HS3ST4: variants seen among roughly 807,000 people sequenced by gnomAD.
HS3ST4 encodes the protein heparan sulfate-glucosamine 3-sulfotransferase 4.
Under a neutral mutation model 29.2 loss-of-function variants are expected in HS3ST4, and 17 were observed. That is an observed-to-expected ratio of 0.58 (90% CI 0.40 to 0.87). The LOEUF (loss-of-function observed/expected upper bound fraction) is 0.87. Ranked by LOEUF, HS3ST4 falls within the 40% of genes least tolerant of loss-of-function variation. The probability of loss-of-function intolerance (pLI) is 0.00; values close to 1 mark genes in which losing one functional copy is unlikely to be tolerated. For synonymous variants in HS3ST4, 314 were observed against 285.7 expected (o/e 1.10, Z -1.00); for missense variants, 627 against 634.5 (o/e 0.99, Z 0.13).
At chr16:25,903,324 T>TACATATGTATATGTATCTATTATAG (rs67993882) in intron 1 of HS3ST4, among the ~76,000 whole-genome samples, 1 of 74,298 alleles carries the variant, frequency 1.3e-5, no homozygotes, top group African/African-American at 4.6e-5. Flanking sequence ...ATATATTATA[T>TACATATGTATATGTATCTATTATAG]ATATGTATAT....
intron 1 of HS3ST4, among the ~76,000 whole-genome samples, chr16:25,722,597 T>C (rs1008232981): frequency 6.6e-6 from 1 of 152,188 alleles, no homozygotes; most frequent in African/African-American, 2.4e-5. Flanking sequence ...CTATTTCAAG[T>C]GGATTTTGGA....
chr16:25,961,707 C>T (rs997979775), intron 1 of HS3ST4, among the ~76,000 whole-genome samples: 1 of 152,044 alleles, frequency 6.6e-6, no homozygotes, highest in Non-Finnish European at 1.5e-5. Flanking sequence ...ATCAGAGAAA[C>T]CTGGTGAGAT....
intron 1 of HS3ST4, among the ~76,000 whole-genome samples, chr16:25,936,352 T>A (rs530879215): frequency 1.3e-5 from 2 of 152,166 alleles, no homozygotes; most frequent in African/African-American, 2.4e-5. Flanking sequence ...TACTGAGACA[T>A]GATGAAATCA....
At chr16:25,726,917 C>A (rs1966539245) in intron 1 of HS3ST4, among the ~76,000 whole-genome samples, 2 of 152,108 alleles carry the variant, frequency 1.3e-5, no homozygotes, top group South Asian at 4.2e-4. Context: ...TTTGTAGATC[C>A]TTTCTATTTT....
intron 1 of HS3ST4, among the ~76,000 whole-genome samples, chr16:25,989,873 A>G (rs1031386679): frequency 2.6e-5 from 4 of 152,252 alleles, no homozygotes; most frequent in African/African-American, 9.6e-5. Flanking sequence ...TCAGTTTGTT[A>G]AAACTGTTTA....
At chr16:26,049,373 G>A (rs183073510) in intron 1 of HS3ST4, among the ~76,000 whole-genome samples, 12 of 150,710 alleles carry the variant, frequency 8.0e-5, no homozygotes, top group African/African-American at 4.9e-5. Flanking sequence ...GTCTACATCC[G>A]GAGGTCTACA....
chr16:25,840,707 G>A (rs999310344), intron 1 of HS3ST4, among the ~76,000 whole-genome samples: 1 of 152,208 alleles, frequency 6.6e-6, no homozygotes, highest in East Asian at 1.9e-4. Flanking sequence ...ACCTACTGGG[G>A]CCAAAACTGA....
intron 1 of HS3ST4, among the ~76,000 whole-genome samples, chr16:25,944,175 C>A (rs919260492): frequency 1.3e-5 from 2 of 152,112 alleles, no homozygotes; most frequent in African/African-American, 4.8e-5. Flanking sequence ...GAGTTCTTGT[C>A]CCACAACCAA....
chr16:25,986,058 A>G (rs1367366379), intron 1 of HS3ST4, among the ~76,000 whole-genome samples: 1 of 151,960 alleles, frequency 6.6e-6, no homozygotes, highest in Non-Finnish European at 1.5e-5. Flanking sequence ...CTTTTTCATA[A>G]ATTCTACCCA....
At chr16:26,120,075 G>GTGTT (rs1899254024) in intron 1 of HS3ST4, among the ~76,000 whole-genome samples, 1 of 102,924 alleles carries the variant, frequency 9.7e-6, no homozygotes, top group Non-Finnish European at 2.1e-5. Flanking sequence ...GTGTGTATGT[G>GTGTT]TGTGTGTGTG....
At chr16:26,064,679 G>A (rs1301465824) in intron 1 of HS3ST4, among the ~76,000 whole-genome samples, 6 of 145,020 alleles carry the variant, frequency 4.1e-5, no homozygotes, top group Admixed American at 7.2e-5. Context: ...GTGCAATGGC[G>A]TGATCTTGGC....
At chr16:26,094,466 T>C (rs1392989605) in intron 1 of HS3ST4, among the ~76,000 whole-genome samples, 1 of 152,120 alleles carries the variant, frequency 6.6e-6, no homozygotes, top group Non-Finnish European at 1.5e-5. Flanking sequence ...TATTCAACAT[T>C]CATAAAGGAA....
intron 1 of HS3ST4, among the ~76,000 whole-genome samples, chr16:25,920,419 A>C (rs1968336068): frequency 6.6e-6 from 1 of 151,780 alleles, no homozygotes; most frequent in Non-Finnish European, 1.5e-5. Context: ...TTTATCTTTG[A>C]TTTTATCTCC....
rs183004051 is a variant in HS3ST4, at chr16:25,790,358, G to A, written c.734+97207G>A. On this transcript the variant is annotated intron_variant, in intron 1 of 1. Coordinates refer to ENST00000331351, the MANE Select transcript of HS3ST4 (RefSeq NM_006040.3). ...CAGGAGGTGGAGGTTGCAGTGAGCC[G>A]AGATCGCACCATTGCACTCCAGCCC... Among the ~76,000 whole-genome samples, 35 of 152,274 alleles carry A rather than the reference G, an allele frequency of 2.3e-4. No homozygotes were observed. In the East Asian group the frequency reaches 6.8e-3, roughly 29 times the overall value.
intron 1 of HS3ST4, among the ~76,000 whole-genome samples, chr16:25,800,155 C>G (rs1472671914): frequency 2.0e-5 from 3 of 151,532 alleles, no homozygotes. Context: ...AGATCATTGA[C>G]TCCATTGGTT....
chr16:25,954,620 T>A (rs9926372), intron 1 of HS3ST4, among the ~76,000 whole-genome samples: 19,849 of 152,224 alleles, frequency 0.13, 1,386 homozygotes, highest in African/African-American at 0.16. Flanking sequence ...TATTTTATAA[T>A]TGGTTGAAAG....
At chr16:25,870,707 G>T (rs763958663) in intron 1 of HS3ST4, among the ~76,000 whole-genome samples, 16 of 152,126 alleles carry the variant, frequency 1.1e-4, no homozygotes, top group Non-Finnish European at 2.1e-4. Flanking sequence ...TAATAGGATC[G>T]CTTAGTTTTA....
At chr16:25,788,758 T>C (rs1040601120) in intron 1 of HS3ST4, among the ~76,000 whole-genome samples, 3 of 151,792 alleles carry the variant, frequency 2.0e-5, no homozygotes, top group Non-Finnish European at 4.4e-5. Flanking sequence ...CAGGCTGGTC[T>C]TGAACCCCTG....
chr16:25,771,926 T>C (rs931016699), intron 1 of HS3ST4, among the ~76,000 whole-genome samples: 1 of 152,200 alleles, frequency 6.6e-6, no homozygotes, highest in Non-Finnish European at 1.5e-5. Context: ...TTTACCTCTT[T>C]TTATCTTCTG....
Sources: allele counts gnomAD v4.1 joint callset (sites outside exome capture counted in the v4.1 genomes callset), GRCh38; gene constraint gnomAD v4.1.1; transcripts MANE v1.5; gene names NCBI Gene and HGNC (gene_info 2026-07-23, HGNC 2026-07-21).